RGCC: variants seen among roughly 807,000 people sequenced by gnomAD.
RGCC encodes regulator of cell cycle, also known as regulator of cell cycle RGCC.
In RGCC, 15 loss-of-function variants were observed where a neutral mutation model predicts 15.4. The ratio of observed to expected loss-of-function variants is 0.97; its 90% CI spans 0.65 to 1.50. The LOEUF is 1.50. Ranked by LOEUF, RGCC falls within the 40% of genes most tolerant of loss-of-function variation. The probability of loss-of-function intolerance (pLI) is 0.00; values close to 1 mark genes in which losing one functional copy is unlikely to be tolerated. For synonymous variants in RGCC, 81 were observed against 78.0 expected (o/e 1.04, Z -0.20); for missense variants, 176 against 189.7 (o/e 0.93, Z 0.42).
At chr13:41,464,996 G>GT (rs948724159) in intron 2 of RGCC, among the ~76,000 whole-genome samples, 2 of 152,174 alleles carry the variant, frequency 1.3e-5, no homozygotes, top group African/African-American at 4.8e-5. Context: ...CACCTGAGAA[G>GT]TTGTGGCAGC....
In RGCC at chr13:41,458,204, G is replaced by A; in HGVS notation, c.50-81G>A. On this transcript the variant is annotated intron_variant, in intron 1 of 4. Coordinates refer to ENST00000379359, the MANE Select transcript of RGCC (RefSeq NM_014059.3). The surrounding 1 kb of genome is among the most constrained non-coding windows in gnomAD (Gnocchi z 4.4). The stretch of plus-strand genomic sequence containing the variant: ...CAAGTGTCAGTTATCTTCGGGAACC[G>A]TGGCGGCCCCTCCTGGCCCTGGGAG... The A allele has an allele frequency of 8.4e-7, 1 of 1,196,340 alleles. No individual in the cohort carries two copies. Among genetic ancestry groups the A allele is most frequent in the Non-Finnish European group, 1.1e-6 (1 of 872,462 alleles). 74.1% of individuals were successfully genotyped at this position (1,196,340 alleles called of 1,614,324 possible). A position where few individuals can be genotyped will look rare whatever the true frequency, so the allele number is the denominator to read the frequency against.
At position 41,458,367 on chromosome 13, in the gene RGCC, G is replaced by C. The variant is rs536461526; in HGVS notation, c.132G>C (p.Ser44=). The C allele has an allele frequency of 6.3e-7, 1 of 1,595,288 alleles. No individual in the cohort carries two copies. The highest frequency in any genetic ancestry group is 8.5e-7 in the Non-Finnish European group (1 of 1,176,660). The stretch of plus-strand genomic sequence containing the variant: ...ACGCGGTGCTGGCCGACTTCGCGTC[G>C]CCCTTCCACGAGCGCCACTTCCACT... ...EFDAVLADFA[S]PFHERHFHYE... Residue 44 remains serine, a synonymous_variant, in exon 2 of 5, where the codon TCG becomes TCC. Coordinates refer to ENST00000379359, the MANE Select transcript of RGCC (RefSeq NM_014059.3). This position sits in a 1 kb window ranked among gnomAD's most constrained non-coding sequence, Gnocchi z 4.4.
Position 41,457,636 on chromosome 13 carries a change from G to T in RGCC, c.-72G>T. The T allele has an allele frequency of 6.7e-7, 1 of 1,498,460 alleles. No individual in the cohort carries two copies. Among genetic ancestry groups the T allele is most frequent in the Non-Finnish European group, 8.9e-7 (1 of 1,125,836 alleles). The allele number at this position is 1,498,460 out of a possible 1,614,324, so 92.8% of individuals were successfully genotyped here. ...AGGGCTGAAGTGTGCGGGACAGCAA[G>T]CCCCCGAATAGCCCCGGCTGCCACC... On this transcript the variant is annotated 5_prime_UTR_variant, in exon 1 of 5. Transcript: ENST00000379359. This position sits in a 1 kb window ranked among gnomAD's most constrained non-coding sequence, Gnocchi z 4.9.
intron 2 of RGCC, among the ~76,000 whole-genome samples, chr13:41,466,353 TG>T (rs949859964): frequency 6.6e-5 from 10 of 152,090 alleles, no homozygotes; most frequent in Non-Finnish European, 1.5e-4. Flanking sequence ...CGAATCATTT[TG>T]GGGGCATAAA....
At chr13:41,461,710 C>G (rs959794066) in intron 2 of RGCC, among the ~76,000 whole-genome samples, 4 of 152,168 alleles carry the variant, frequency 2.6e-5, no homozygotes, top group Non-Finnish European at 4.4e-5. Context: ...TTAGCATCAG[C>G]AAGACTTAGA....
At chr13:41,460,643 T>C (rs184277585) in intron 2 of RGCC, among the ~76,000 whole-genome samples, 2 of 152,358 alleles carry the variant, frequency 1.3e-5, no homozygotes, top group East Asian at 3.9e-4. Context: ...AGAGCTTAGA[T>C]TGAGCCTTGT....
intron 4 of RGCC, among the ~76,000 whole-genome samples, chr13:41,469,283 TAATAATAATAATAAGAAGAAG>T (rs769988847): frequency 4.2e-4 from 49 of 115,796 alleles, no homozygotes; most frequent in Admixed American, 1.4e-3. Context: ...ATAATAATAA[TAATAATAATAATAAGAAGAAG>T]AAGAAGAAGA....
intron 2 of RGCC, among the ~76,000 whole-genome samples, chr13:41,463,729 C>T (rs957325685): frequency 3.9e-5 from 6 of 152,108 alleles, no homozygotes; most frequent in Admixed American, 1.3e-4. Context: ...AGAGGACAGT[C>T]CTGGCAATAT....
At position 41,458,499 on chromosome 13, in the gene RGCC, C is replaced by T; in HGVS notation, c.235+29C>T. The stretch of plus-strand genomic sequence containing the variant: ...AGTGCGGCCCCCGCTAGGATGGCGC[C>T]GGGATCTCCCAGCTCCCAGGACCTG... On this transcript the variant is annotated intron_variant, in intron 2 of 4. Coordinates refer to ENST00000379359, the MANE Select transcript of RGCC (RefSeq NM_014059.3). The surrounding 1 kb of genome is among the most constrained non-coding windows in gnomAD (Gnocchi z 4.4). The T allele has an allele frequency of 6.4e-7, 1 of 1,573,340 alleles. No homozygotes were observed. The highest frequency in any genetic ancestry group is 1.3e-5 in the African/African-American group (1 of 74,076).
Position 41,466,927 on chromosome 13 carries a change from A to C in RGCC, c.340A>C (p.Lys114Gln). Reference protein sequence around the residue: ...ALLSATVTPQKAKLGDTKELE... With the variant: ...ALLSATVTPQQAKLGDTKELE... ...TCTCTCTGCCACTGTCACTCCTCAG[A>C]AAGGTAAGGTCATTAGTTGGAATTT... is the stretch of plus-strand genomic sequence containing the variant. Residue 114 changes from lysine to glutamine, a missense_variant, in exon 3 of 5, where the codon AAA (lysine) becomes CAA (glutamine). Physicochemically the swap from Lys to Gln is moderately conservative, Grantham distance 53. Coordinates refer to ENST00000379359, the MANE Select transcript of RGCC (RefSeq NM_014059.3). The C allele has an allele frequency of 6.2e-7, 1 of 1,608,894 alleles. No homozygotes were observed. Among genetic ancestry groups the C allele is most frequent in the Non-Finnish European group, 8.5e-7 (1 of 1,175,302 alleles).
At chr13:41,470,267 C>T (rs1593580487) in intron 4 of RGCC, among the ~76,000 whole-genome samples, 1 of 152,234 alleles carries the variant, frequency 6.6e-6, no homozygotes, top group East Asian at 1.9e-4. Flanking sequence ...ATAATTGCAG[C>T]ATAATTTGTA....
chr13:41,468,289 C>T (rs1309879567), intron 3 of RGCC, among the ~76,000 whole-genome samples: 3 of 152,192 alleles, frequency 2.0e-5, no homozygotes, highest in Non-Finnish European at 1.5e-5. Flanking sequence ...AGGCTAGTGC[C>T]GCAGGAATGA....
chr13:41,457,725 G>T lies in RGCC; in HGVS notation c.18G>T (p.Ala6=), dbSNP rs1162134719. Residue 6 remains alanine, a synonymous_variant, in exon 1 of 5, where the codon GCG becomes GCT. Transcript: ENST00000379359. The surrounding 1 kb of genome is among the most constrained non-coding windows in gnomAD (Gnocchi z 4.9). MKPPA[A]QGSPAAAAAA... ...GCCGCCTCATGAAGCCGCCCGCGGC[G>T]CAGGGCAGCCCCGCGGCCGCCGCGG... 3.6e-5 allele frequency: 53 copies of T among 1,461,826 alleles called. No homozygotes were observed. Among genetic ancestry groups the T allele is most frequent in the Non-Finnish European group, 4.5e-5 (50 of 1,109,006 alleles). The allele number at this position is 1,461,826 out of a possible 1,614,324, so 90.6% of individuals were successfully genotyped here.
chr13:41,462,752 AG>A, intron 2 of RGCC, among the ~76,000 whole-genome samples: 1 of 152,246 alleles, frequency 6.6e-6, no homozygotes, highest in East Asian at 1.9e-4. Flanking sequence ...GGAAAAGAAC[AG>A]GATGTCCGGC....
At chr13:41,464,504 G>C (rs949638542) in intron 2 of RGCC, among the ~76,000 whole-genome samples, 1 of 152,196 alleles carries the variant, frequency 6.6e-6, no homozygotes, top group South Asian at 2.1e-4. Flanking sequence ...GGCTTCCCAA[G>C]TAAGGTTCCA....
In RGCC at chr13:41,458,068, G is replaced by A. The variant is rs1260990692; in HGVS notation, c.50-217G>A. ...GCTGGGTGACCCTGGGCCTGGCGAA[G>A]GCTCAGTTTTCTTGTCTGTAAAACG... On this transcript the variant is annotated intron_variant, in intron 1 of 4. Coordinates refer to ENST00000379359, the MANE Select transcript of RGCC (RefSeq NM_014059.3). The surrounding 1 kb of genome is among the most constrained non-coding windows in gnomAD (Gnocchi z 4.4). 6.6e-6 allele frequency among the ~76,000 whole-genome samples: 1 copy of A among 152,222 alleles called. No homozygotes were observed. The highest frequency in any genetic ancestry group is 2.4e-5 in the African/African-American group (1 of 41,462).
In RGCC at chr13:41,468,805, G is replaced by A. The variant is rs1476575785; in HGVS notation, c.373G>A (p.Ala125Thr). The A allele has an allele frequency of 1.9e-6, 3 of 1,608,020 alleles. No individual in the cohort carries two copies. The South Asian group carries it at 3.3e-5, about 18-fold the overall frequency. The change falls in exon 4 of 5, where the codon GCC becomes ACC. Residue 125 changes from alanine (A) to threonine (T), a missense_variant. By Grantham distance (58) the Ala-to-Thr change is moderately conservative. Coordinates refer to ENST00000379359, the MANE Select transcript of RGCC (RefSeq NM_014059.3). Reference sequence around the variant, plus strand: ...ATTAGGAGACACAAAAGAGCTAGAAGCCTTCATTGCTGATCTTGACAAAAC... The same window carrying A: ...ATTAGGAGACACAAAAGAGCTAGAAACCTTCATTGCTGATCTTGACAAAAC... ...AKLGDTKELEAFIADLDKTLA... is the reference protein window; with the variant it reads ...AKLGDTKELETFIADLDKTLA...
chr13:41,468,043 A>G (rs1007305004), intron 3 of RGCC, among the ~76,000 whole-genome samples: 20 of 152,320 alleles, frequency 1.3e-4, no homozygotes, highest in African/African-American at 4.1e-4. Flanking sequence ...AAAGTCAGCT[A>G]TATGAAAAAA....
intron 2 of RGCC, among the ~76,000 whole-genome samples, chr13:41,464,946 C>T (rs756155370): frequency 9.9e-5 from 15 of 151,870 alleles, no homozygotes; most frequent in Admixed American, 2.6e-4. Flanking sequence ...AGGTGGGCCC[C>T]TGGGCAGGAG....
Sources: allele counts gnomAD v4.1 joint callset (sites outside exome capture counted in the v4.1 genomes callset), GRCh38; gene constraint gnomAD v4.1.1; non-coding constraint Gnocchi (gnomAD v3.1); transcripts MANE v1.5; gene names NCBI Gene and HGNC (gene_info 2026-07-23, HGNC 2026-07-21).